NHSL2: variants seen among roughly 807,000 people sequenced by gnomAD.
NHSL2 encodes the protein NHS like 2, also known as NHS-like protein 2.
In NHSL2, 27 loss-of-function variants were observed where a neutral mutation model predicts 53.4. The ratio of observed to expected loss-of-function variants is 0.51; its 90% CI spans 0.37 to 0.70. The LOEUF (loss-of-function observed/expected upper bound fraction) is 0.70. NHSL2 is among the 30% of genes least tolerant of loss of function. The pLI is 0.00. For synonymous variants in NHSL2, 408 were observed against 404.1 expected, an observed-to-expected ratio of 1.01 and a Z score of -0.12; for missense variants, 892 against 980.1, an observed-to-expected ratio of 0.91 and a Z score of 1.20.
At chrX:71,947,484 T>C (rs1282806209) in intron 1 of NHSL2, among the ~76,000 whole-genome samples, 1 of 112,552 alleles carries the variant, frequency 8.9e-6, no homozygotes, top group Non-Finnish European at 1.9e-5. Flanking sequence ...CTGGGGGGCA[T>C]AGATGCTTGT....
intron 1 of NHSL2, among the ~76,000 whole-genome samples, chrX:72,042,475 C>T (rs1197594747): frequency 9.0e-6 from 1 of 111,555 alleles, no homozygotes; most frequent in Non-Finnish European, 1.9e-5. Context: ...CCTACCCTGC[C>T]TCATGTCCAC....
chrX:72,035,286 T>G (rs2042235271), intron 1 of NHSL2, among the ~76,000 whole-genome samples: 1 of 111,644 alleles, frequency 9.0e-6, no homozygotes, highest in Admixed American at 9.5e-5. Flanking sequence ...TCAAATATTT[T>G]TAAGTTTATT....
At chrX:71,990,314 A>G (rs1049921975) in intron 1 of NHSL2, among the ~76,000 whole-genome samples, 1 of 111,225 alleles carries the variant, frequency 9.0e-6, no homozygotes, top group South Asian at 3.8e-4. Context: ...CATAAAACAG[A>G]CAGTCCCAGA....
chrX:71,912,848 T>C (rs1009431802), intron 1 of NHSL2, among the ~76,000 whole-genome samples: 3 of 111,454 alleles, frequency 2.7e-5, no homozygotes, highest in African/African-American at 9.8e-5. Context: ...CTGAGTTCAG[T>C]AGGGTAAGTT....
chrX:72,141,036 A>C, intron 6 of NHSL2: 1 of 277,456 alleles, frequency 3.6e-6, no homozygotes, highest in Non-Finnish European at 6.6e-6. Context: ...AGATAATGAA[A>C]TCAAACTAGG....
At chrX:72,085,730 G>C (rs1298383667) in intron 1 of NHSL2, among the ~76,000 whole-genome samples, 3 of 77,023 alleles carry the variant, frequency 3.9e-5, no homozygotes, top group Non-Finnish European at 8.2e-5. Flanking sequence ...TTTTTTTTGT[G>C]GGGGGGTATA....
intron 1 of NHSL2, among the ~76,000 whole-genome samples, chrX:72,090,015 T>TTTGTATTTATATC (rs1205113374): frequency 9.0e-6 from 1 of 111,190 alleles, no homozygotes; most frequent in African/African-American, 3.3e-5. Context: ...TGCATGTGTG[T>TTTGTATTTATATC]TTGTATTTAT....
intron 1 of NHSL2, among the ~76,000 whole-genome samples, chrX:72,088,757 A>C (rs1235218668): frequency 8.9e-6 from 1 of 112,125 alleles, no homozygotes; most frequent in Non-Finnish European, 1.9e-5. Context: ...GTTTCAAAAA[A>C]TCATAATAAA....
In NHSL2 at chrX:72,117,822, A is replaced by T. The variant is rs181446113; in HGVS notation, c.281-14257A>T. On this transcript the variant is annotated intron_variant, in intron 1 of 7. Transcript: ENST00000633930. ...CATTGTATGGATAGACCACATTTTT[A>T]TTTATTTATTTATTTATTTATTTAT... 7.6e-3 allele frequency among the ~76,000 whole-genome samples: 769 copies of T among 101,389 alleles called. 7 individuals carry two copies. The highest frequency in any genetic ancestry group is 0.027 in the African/African-American group (739 of 27,708). The allele number at this position is 101,389 out of a possible 115,157, so 88.0% of individuals were successfully genotyped here.
At chrX:72,007,704 AG>A (rs1764361071) in intron 1 of NHSL2, among the ~76,000 whole-genome samples, 1 of 113,248 alleles carries the variant, frequency 8.8e-6, no homozygotes, top group Admixed American at 9.3e-5. Flanking sequence ...GGTCCTAAGG[AG>A]GGTTAAGAAT....
In NHSL2 at chrX:72,067,060, T is replaced by A. The variant is rs769815441; in HGVS notation, c.281-65019T>A. Among the ~76,000 whole-genome samples the A allele has an allele frequency of 2.7e-3, 296 of 111,550 alleles. 2 individuals are homozygous for A. The highest frequency in any genetic ancestry group is 4.7e-3 in the Middle Eastern group (1 of 215). The stretch of plus-strand genomic sequence containing the variant: ...CAGGAGGCTGAGTTGGGAGGATCAC[T>A]TGAGCCCAGGAGGTTGAGGCTTCAG... On this transcript the variant is annotated intron_variant, in intron 1 of 7. Transcript: ENST00000633930.
chrX:72,031,442 C>T (rs1463373392), intron 1 of NHSL2, among the ~76,000 whole-genome samples: 1 of 112,124 alleles, frequency 8.9e-6, no homozygotes, highest in East Asian at 2.8e-4. Flanking sequence ...TGAGCTATTT[C>T]ATGTGTAGCA....
chrX:72,091,800 C>A (rs2041902645), intron 1 of NHSL2, among the ~76,000 whole-genome samples: 1 of 111,555 alleles, frequency 9.0e-6, no homozygotes, highest in Admixed American at 9.5e-5. Flanking sequence ...CACAAACCCA[C>A]GTGGTGCAAG....
chrX:71,945,613 A>G (rs911450602), intron 1 of NHSL2, among the ~76,000 whole-genome samples: 2 of 111,882 alleles, frequency 1.8e-5, no homozygotes, highest in Admixed American at 9.5e-5. Context: ...TGTGTTGTTG[A>G]TATAGAAGAT....
Position 72,143,714 on chromosome X carries a change from A to T in NHSL2, c.*140A>T. On this transcript the variant is annotated 3_prime_UTR_variant, in exon 8 of 8. Transcript: ENST00000633930. Reference sequence around the variant, plus strand: ...ACTCACACTCTGGACAGCAGGAGAGAGGCTACTTCATCTAGAGCTAAAATC... The same window carrying T: ...ACTCACACTCTGGACAGCAGGAGAGTGGCTACTTCATCTAGAGCTAAAATC... 1 of 427,639 alleles carries T rather than the reference A, an allele frequency of 2.3e-6. No individual in the cohort carries two copies. The highest frequency in any genetic ancestry group is 4.1e-6 in the Non-Finnish European group (1 of 246,328). The allele number at this position is 427,639 out of a possible 1,213,427, so 35.2% of individuals were successfully genotyped here. A position where few individuals can be genotyped will look rare whatever the true frequency, so the allele number is the denominator to read the frequency against.
intron 1 of NHSL2, among the ~76,000 whole-genome samples, chrX:71,978,809 C>T (rs1366239388): frequency 1.9e-5 from 2 of 103,270 alleles, no homozygotes; most frequent in Middle Eastern, 5.4e-3. Context: ...ATGTGCACAA[C>T]GTGCAGGTTT....
At chrX:71,912,345 G>A (rs1023767290) in intron 1 of NHSL2, among the ~76,000 whole-genome samples, 3 of 112,604 alleles carry the variant, frequency 2.7e-5, no homozygotes, top group Non-Finnish European at 5.6e-5. Flanking sequence ...ACTACAGCTG[G>A]GGCATGCCAG....
intron 1 of NHSL2, chrX:72,130,372 T>G (rs1242215471): frequency 1.4e-5 from 16 of 1,167,891 alleles, no homozygotes; most frequent in Non-Finnish European, 1.8e-5. Flanking sequence ...CTTCTCTTCC[T>G]TCTTCTTCAT....
intron 1 of NHSL2, among the ~76,000 whole-genome samples, chrX:72,102,923 GA>G (rs1354955944): frequency 3.6e-5 from 4 of 112,128 alleles, no homozygotes; most frequent in African/African-American, 1.3e-4. Flanking sequence ...ACCTGGAAAT[GA>G]TTAACCCGCA....
Sources: allele counts gnomAD v4.1 joint callset (sites outside exome capture counted in the v4.1 genomes callset), GRCh38; gene constraint gnomAD v4.1.1; transcripts MANE v1.5; gene names NCBI Gene and HGNC (gene_info 2026-07-23, HGNC 2026-07-21).